INPP4B: variants seen among roughly 807,000 people sequenced by gnomAD.
INPP4B encodes inositol polyphosphate 4-phosphatase type II.
INPP4B carries 55 observed loss-of-function variants against 122.5 expected under a neutral mutation model. The ratio of observed to expected loss-of-function variants is 0.45; its 90% CI spans 0.36 to 0.56. The LOEUF (loss-of-function observed/expected upper bound fraction) is 0.56, where lower values mean the gene tolerates loss of function less well. INPP4B is among the 20% of genes least tolerant of loss of function. The probability of loss-of-function intolerance (pLI) is 0.00; values close to 1 mark genes in which losing one functional copy is unlikely to be tolerated. For missense variants in INPP4B, 1,000 were observed against 1,097.7 expected (o/e 0.91, Z 1.26); for synonymous variants, 403 against 388.7 (o/e 1.04, Z -0.43).
rs78037208 is a variant in INPP4B, at chr4:142,100,078, T to C, written c.2374+8015A>G. Reference sequence around the variant, plus strand: ...TGTATGTGTAAAAAGCAAGGAAAGATACTGAGTAGCACAGGGGTCGATGAT... The same window carrying C: ...TGTATGTGTAAAAAGCAAGGAAAGACACTGAGTAGCACAGGGGTCGATGAT... On this transcript the variant is annotated intron_variant, in intron 23 of 25. Transcript: ENST00000262992. 4.1e-3 allele frequency among the ~76,000 whole-genome samples: 625 copies of C among 152,266 alleles called. 6 individuals carry two copies. Among genetic ancestry groups the C allele is most frequent in the Middle Eastern group, 0.02 (6 of 294 alleles).
At chr4:142,303,682 C>T (rs963471230) in intron 9 of INPP4B, among the ~76,000 whole-genome samples, 1 of 152,018 alleles carries the variant, frequency 6.6e-6, no homozygotes, top group African/African-American at 2.4e-5. Context: ...AATAACCTAG[C>T]CATTTCAGAA....
At chr4:142,460,775 C>T (rs1816562049) in intron 3 of INPP4B, among the ~76,000 whole-genome samples, 1 of 152,068 alleles carries the variant, frequency 6.6e-6, no homozygotes, top group Non-Finnish European at 1.5e-5. Flanking sequence ...AAAGTCGATG[C>T]CCTTTGCAAC....
At chr4:142,773,958 T>C (rs1171453400) in intron 1 of INPP4B, among the ~76,000 whole-genome samples, 1 of 152,080 alleles carries the variant, frequency 6.6e-6, no homozygotes, top group Non-Finnish European at 1.5e-5. Flanking sequence ...TACCAGATAG[T>C]ATTTAAAACT....
At chr4:142,510,887 C>T (rs1018221813) in intron 2 of INPP4B, among the ~76,000 whole-genome samples, 1 of 152,064 alleles carries the variant, frequency 6.6e-6, no homozygotes, top group Non-Finnish European at 1.5e-5. Flanking sequence ...TTTTAAATCA[C>T]CAAACTAAAA....
chr4:142,305,054 C>A (rs971382039), intron 9 of INPP4B, among the ~76,000 whole-genome samples: 3 of 152,048 alleles, frequency 2.0e-5, no homozygotes, highest in African/African-American at 7.2e-5. Context: ...AATCAGCTTA[C>A]TCTCTATTAT....
intron 21 of INPP4B, among the ~76,000 whole-genome samples, chr4:142,112,925 C>A (rs189771052): frequency 6.6e-6 from 1 of 152,002 alleles, no homozygotes; most frequent in Admixed American, 6.6e-5. Flanking sequence ...AAAAAATGTT[C>A]GGTTCATTTT....
At chr4:142,298,876 C>T (rs1258098878) in intron 9 of INPP4B, among the ~76,000 whole-genome samples, 1 of 151,974 alleles carries the variant, frequency 6.6e-6, no homozygotes, top group South Asian at 2.1e-4. Flanking sequence ...GAAATAAAAT[C>T]ATTTTTATGC....
chr4:142,563,868 C>T (rs1406388734), intron 2 of INPP4B, among the ~76,000 whole-genome samples: 1 of 152,138 alleles, frequency 6.6e-6, no homozygotes, highest in Non-Finnish European at 1.5e-5. Context: ...ATGGCTCTAC[C>T]CAACAGTCAG....
At chr4:142,733,231 CCCTTTGGGGCAGATCGTGATT>C (rs1766352262) in intron 1 of INPP4B, among the ~76,000 whole-genome samples, 1 of 152,102 alleles carries the variant, frequency 6.6e-6, no homozygotes, top group African/African-American at 2.4e-5. Context: ...AAATATCTTT[CCCTTTGGGGCAGATCGTGATT>C]TCTTAAACAG....
At chr4:142,492,666 G>A (rs1010328073) in intron 2 of INPP4B, among the ~76,000 whole-genome samples, 20 of 152,148 alleles carry the variant, frequency 1.3e-4, no homozygotes, top group African/African-American at 4.6e-4. Flanking sequence ...TTGAACTTGA[G>A]AGAGATAATT....
intron 23 of INPP4B, among the ~76,000 whole-genome samples, chr4:142,105,477 A>G (rs1270568289): frequency 6.6e-6 from 1 of 152,200 alleles, no homozygotes; most frequent in African/African-American, 2.4e-5. Context: ...ATTAGAAGAC[A>G]TTTTGGGAAG....
At chr4:142,382,144 A>G (rs1200617311) in intron 7 of INPP4B, among the ~76,000 whole-genome samples, 1 of 152,106 alleles carries the variant, frequency 6.6e-6, no homozygotes, top group Non-Finnish European at 1.5e-5. Flanking sequence ...GACAGTTTCT[A>G]TTTGTACTTT....
chr4:142,394,347 G>A (rs1261406802), intron 7 of INPP4B, among the ~76,000 whole-genome samples: 2 of 152,038 alleles, frequency 1.3e-5, no homozygotes, highest in African/African-American at 2.4e-5. Context: ...GGGTTTCACC[G>A]TGTTAGCCAG....
At chr4:142,648,973 T>C (rs1025081989) in intron 2 of INPP4B, among the ~76,000 whole-genome samples, 1 of 152,180 alleles carries the variant, frequency 6.6e-6, no homozygotes, top group African/African-American at 2.4e-5. Flanking sequence ...TATAGGTGGC[T>C]GCCCCTCTGG....
At chr4:142,048,430 T>C (rs771608791) in intron 25 of INPP4B, among the ~76,000 whole-genome samples, 11 of 152,048 alleles carry the variant, frequency 7.2e-5, no homozygotes, top group Non-Finnish European at 1.5e-4. Context: ...GGGTGACTTG[T>C]GATGTCCCCA....
intron 4 of INPP4B, among the ~76,000 whole-genome samples, chr4:142,429,554 A>C (rs1808839389): frequency 6.6e-6 from 1 of 152,066 alleles, no homozygotes; most frequent in Non-Finnish European, 1.5e-5. Flanking sequence ...TGGATCCTTC[A>C]TAAAGAACCC....
chr4:142,244,407 C>T (rs1424480682), intron 11 of INPP4B, among the ~76,000 whole-genome samples: 1 of 147,914 alleles, frequency 6.8e-6, no homozygotes, highest in Non-Finnish European at 1.5e-5. Context: ...TCACGTCATT[C>T]TCCTGCCTCA....
At chr4:142,436,716 A>G (rs1296196009) in intron 3 of INPP4B, among the ~76,000 whole-genome samples, 1 of 152,142 alleles carries the variant, frequency 6.6e-6, no homozygotes. Flanking sequence ...CAACAAGAGC[A>G]TCAACAAAAA....
rs141753905 is a variant in INPP4B, at chr4:142,590,141, G to C, written c.-190-127415C>G. 1.2e-3 allele frequency among the ~76,000 whole-genome samples: 186 copies of C among 152,162 alleles called. No individual in the cohort carries two copies. The Middle Eastern group carries it at 0.017, about 14-fold the overall frequency. ...AGGACTGAATCGGTGAAGCACAGGG[G>C]AATTTTAGAGGAGTATTTACATAGC... On this transcript the variant is annotated intron_variant, in intron 2 of 25. Coordinates refer to ENST00000262992, the MANE Select transcript of INPP4B (RefSeq NM_001101669.3).
Sources: allele counts gnomAD v4.1 joint callset (sites outside exome capture counted in the v4.1 genomes callset), GRCh38; gene constraint gnomAD v4.1.1; transcripts MANE v1.5; gene names NCBI Gene and HGNC (gene_info 2026-07-23, HGNC 2026-07-21).